The following CDK11A variants were observed in gnomAD, a reference collection of about 807,000 sequenced individuals.
CDK11A encodes the protein cyclin dependent kinase 11A.
A neutral mutation model predicts 83.6 loss-of-function variants in CDK11A; 55 were observed. The ratio of observed to expected loss-of-function variants is 0.66; its 90% CI spans 0.53 to 0.82. The LOEUF is 0.82. Ranked by LOEUF, CDK11A falls within the 40% of genes least tolerant of loss-of-function variation. The pLI, the probability that CDK11A is intolerant of heterozygous loss-of-function variation, is 0.00. For synonymous variants in CDK11A, 247 were observed against 302.7 expected (o/e 0.82, Z 1.91); for missense variants, 564 against 810.1 (o/e 0.70, Z 3.69).
rs1477230216 is a variant in CDK11A at position 1,719,468 on chromosome 1, A to G, written c.228-13T>C. On this transcript the variant is annotated splice_polypyrimidine_tract_variant and intron_variant, in intron 3 of 19. Transcript: ENST00000404249. ...ATCTTCTTCTCCTCTGAAATAAAAC[A>G]CAACAGCACTGCGTCATGCTTGAGA... 6.8e-7 allele frequency: 1 copy of G among 1,474,480 alleles called. No individual in the cohort carries two copies. The highest frequency in any genetic ancestry group is 2.5e-5 in the East Asian group (1 of 39,442). 91.3% of individuals were successfully genotyped at this position (1,474,480 alleles called of 1,614,324 possible).
chr1:1,716,328 C>T lies in CDK11A; in HGVS notation c.488+18G>A. 1.9e-6 allele frequency: 3 copies of T among 1,607,450 alleles called. No individual in the cohort carries two copies. Among genetic ancestry groups the T allele is most frequent in the Non-Finnish European group, 2.6e-6 (3 of 1,175,686 alleles). ...CACGGCCCTTTCATAAAGTCCTCAA[C>T]TGACCCAGCCCACTCACCTTTCTCT... On this transcript the variant is annotated intron_variant, in intron 5 of 19. Coordinates refer to ENST00000404249, the MANE Select transcript of CDK11A (RefSeq NM_024011.4).
chr1:1,704,311 C>T lies in CDK11A; in HGVS notation c.1598G>A (p.Arg533Gln), dbSNP rs374016782. The T allele has an allele frequency of 3.9e-5, 62 of 1,607,246 alleles. No individual in the cohort carries two copies. The highest frequency in any genetic ancestry group is 2.4e-4 in the South Asian group (22 of 90,620). The change falls in exon 15 of 20, where the codon CGG becomes CAG. Residue 533 changes from arginine to glutamine, a missense_variant. Around this residue, in one of 5 missense-constraint regions of CDK11A, gnomAD observed 361 missense variants for 402.7 expected, o/e 0.90. Transcript: ENST00000404249. ...EVKTLMIQLL[R>Q]GVKHLHDNWI... ...GTTGTCGTGCAGGTGTTTCACCCCC[C>T]GCAGCAGCTGGATCATCAGGGTCTT... is the stretch of plus-strand genomic sequence containing the variant.
At chr1:1,717,736 C>T (rs1644725338) in intron 4 of CDK11A, among the ~76,000 whole-genome samples, 1 of 147,332 alleles carries the variant, frequency 6.8e-6, no homozygotes, top group Non-Finnish European at 1.5e-5. Context: ...TCTCTATAGC[C>T]CCTCTGAACG....
Position 1,704,215 on chromosome 1 carries a change from G to A in CDK11A, c.1686+8C>T, listed in dbSNP as rs200450180. 8.3e-5 allele frequency: 133 copies of A among 1,608,392 alleles called. 8 individuals are homozygous for A. In the East Asian group the frequency reaches 2.7e-3, roughly 33 times the overall value. ...ACCCTGGGATGGGCCACTCGGAGGG[G>A]GGCTCACCTTGAGGATGCCGGCGTG... On this transcript the variant is annotated splice_region_variant and intron_variant, in intron 15 of 19. Coordinates refer to ENST00000404249, the MANE Select transcript of CDK11A (RefSeq NM_024011.4).
rs201693816 is a variant in CDK11A at position 1,704,068 on chromosome 1, G to A, written c.1765C>T (p.Arg589Cys). The change falls in exon 16 of 20, where the codon CGC (arginine) becomes TGC (cysteine). Residue 589 changes from arginine to cysteine, a missense_variant. By Grantham distance (180) the Arg-to-Cys change is radical (BLOSUM62 -3). Coordinates refer to ENST00000404249, the MANE Select transcript of CDK11A (RefSeq NM_024011.4). Reference sequence around the variant, plus strand: ...GCACCAAGCAGCAGCTCTGGGGCGCGGTACCACTGGGTCACCACGACCGGG... The same window carrying A: ...GCACCAAGCAGCAGCTCTGGGGCGCAGTACCACTGGGTCACCACGACCGGG... ...YTPVVVTQWY[R>C]APELLLGAKE... is the part of the protein sequence containing the mutation. 4.3e-4 allele frequency: 690 copies of A among 1,595,512 alleles called. 33 individuals carry two copies. Among genetic ancestry groups the A allele is most frequent in the Non-Finnish European group, 5.3e-4 (618 of 1,168,718 alleles).
In CDK11A at chr1:1,716,814, CAAAAAAAAAAAAAAAAAAAAA is replaced by C. The variant is rs1168780288; in HGVS notation, c.356-357_356-337del. Among the ~76,000 whole-genome samples, 30 of 76,682 alleles carry C rather than the reference CAAAAAAAAAAAAAAAAAAAAA, an allele frequency of 3.9e-4. 2 individuals carry two copies. Among genetic ancestry groups the C allele is most frequent in the African/African-American group, 1.7e-3 (28 of 16,914 alleles). 50.3% of individuals were successfully genotyped at this position (76,682 alleles called of 152,430 possible). ...TGGGCGAAAAAGTGAGACTCCATCT[CAAAAAAAAAAAAAAAAAAAAA>C]AAAAAAAAAAAAAAAAATCACATGA... is the stretch of plus-strand genomic sequence containing the variant. On this transcript the variant is annotated intron_variant, in intron 4 of 19. Transcript: ENST00000404249.
intron 10 of CDK11A, among the ~76,000 whole-genome samples, chr1:1,707,811 G>A (rs1358196363): frequency 1.5e-5 from 2 of 134,760 alleles, no homozygotes; most frequent in Non-Finnish European, 3.0e-5. Flanking sequence ...CGGGTGTCAT[G>A]TGGGGGACAA....
chr1:1,704,251 A>C lies in CDK11A; in HGVS notation c.1658T>G (p.Leu553Arg). 1 of 1,608,484 alleles carries C rather than the reference A, an allele frequency of 6.2e-7. No individual in the cohort carries two copies. Residue 553 changes from leucine to arginine, a missense_variant, in exon 15 of 20, where the codon CTG (leucine) becomes CGG (arginine). By Grantham distance (102) the Leu-to-Arg change is moderately radical. Coordinates refer to ENST00000404249, the MANE Select transcript of CDK11A (RefSeq NM_024011.4). ...GAGGATGCCGGCGTGGCTCAGCAGC[A>C]GGTTGGACGTCTTGAGGTCACGGTG... ...ILHRDLKTSN[L>R]LLSHAGILKV...
chr1:1,704,519 A>G, intron 14 of CDK11A, 31 bp downstream of exon 14: 1 of 1,596,980 alleles, frequency 6.3e-7, no homozygotes, highest in East Asian at 2.3e-5. Flanking sequence ...CCCCACTTGT[A>G]CGCAGACAGG....
Position 1,718,974 on chromosome 1 carries a change from T to A in CDK11A, c.355+354A>T, listed in dbSNP as rs1254775308. Among the ~76,000 whole-genome samples the A allele has an allele frequency of 3.3e-5, 5 of 150,982 alleles. 1 individual carries two copies. The highest frequency in any genetic ancestry group is 5.9e-5 in the Non-Finnish European group (4 of 67,688). On this transcript the variant is annotated intron_variant, in intron 4 of 19. Coordinates refer to ENST00000404249, the MANE Select transcript of CDK11A (RefSeq NM_024011.4). Reference sequence around the variant, plus strand: ...TTCTCTCTATAGCCCTTCTGAATGGTCTGTGACACACGCATGCTTTCAGCT... The same window carrying A: ...TTCTCTCTATAGCCCTTCTGAATGGACTGTGACACACGCATGCTTTCAGCT...
chr1:1,723,236 A>T (rs1328537792), intron 1 of CDK11A, among the ~76,000 whole-genome samples: 1 of 61,454 alleles, frequency 1.6e-5, no homozygotes, highest in South Asian at 5.4e-4. Context: ...AGACTTGGTT[A>T]AAAAAAAAAA....
rs560207175 is a variant in CDK11A, at chr1:1,707,313, G to A, written c.1245+96C>T. 106 of 1,270,018 alleles carry A rather than the reference G, an allele frequency of 8.3e-5. 7 individuals carry two copies. The East Asian group carries it at 8.8e-4, about 11-fold the overall frequency. The allele number at this position is 1,270,018 out of a possible 1,614,324, so 78.7% of individuals were successfully genotyped here. ...AGTGGGCCCAGCAGCCCTGTGAGGCGACAGACGCCAACACGGGGGCCAGGC... is the reference window on the plus strand; with the variant it reads ...AGTGGGCCCAGCAGCCCTGTGAGGCAACAGACGCCAACACGGGGGCCAGGC... On this transcript the variant is annotated intron_variant, in intron 11 of 19. Transcript: ENST00000404249.
In CDK11A at chr1:1,716,427, C is replaced by T. The variant is rs776712506; in HGVS notation, c.407G>A (p.Arg136Gln). 26 of 1,608,594 alleles carry T rather than the reference C, an allele frequency of 1.6e-5. 2 individuals carry two copies. The South Asian group carries it at 2.3e-4, about 14-fold the overall frequency. Residue 136 changes from arginine (R) to glutamine (Q), a missense_variant, in exon 5 of 20, where the codon CGA becomes CAA. By Grantham distance (43) the Arg-to-Gln change is conservative. Coordinates refer to ENST00000404249, the MANE Select transcript of CDK11A (RefSeq NM_024011.4). ...CCGGCGAGCTTTATCCTGTTCTTCT[C>T]GATGTCGTTTCCGACGTTCGTGCTC... ...EREHERRKRH[R>Q]EEQDKARREW...
Position 1,704,019 on chromosome 1 carries a change from C to T in CDK11A, c.1794+20G>A, listed in dbSNP as rs779585500. 6.2e-7 allele frequency: 1 copy of T among 1,600,120 alleles called. No individual in the cohort carries two copies. Among genetic ancestry groups the T allele is most frequent in the South Asian group, 1.1e-5 (1 of 89,426 alleles). On this transcript the variant is annotated intron_variant, in intron 16 of 19. Transcript: ENST00000404249. Reference sequence around the variant, plus strand: ...GGCTGCATGGGGGACAGGGGAGGCACTCAGACGCCCAGGACTCACCTTGGC... The same window carrying T: ...GGCTGCATGGGGGACAGGGGAGGCATTCAGACGCCCAGGACTCACCTTGGC...
rs1644555674 is a variant in CDK11A, at chr1:1,713,982, C to T, written c.489-1582G>A. Among the ~76,000 whole-genome samples the T allele has an allele frequency of 4.8e-5, 2 of 41,468 alleles. 1 individual carries two copies. Among genetic ancestry groups the T allele is most frequent in the African/African-American group, 7.8e-5 (2 of 25,702 alleles). 27.2% of individuals were successfully genotyped at this position (41,468 alleles called of 152,430 possible). A position where few individuals can be genotyped will look rare whatever the true frequency, so the allele number is the denominator to read the frequency against. ...TCTAAGCAGCTTGAGTATGCCACTC[C>T]ACTGCCTTCTGGCCTCCATTGTTTC... On this transcript the variant is annotated intron_variant, in intron 5 of 19. Coordinates refer to ENST00000404249, the MANE Select transcript of CDK11A (RefSeq NM_024011.4).
At chr1:1,720,046 G>A (rs1335533934) in intron 3 of CDK11A, among the ~76,000 whole-genome samples, 1 of 150,574 alleles carries the variant, frequency 6.6e-6, no homozygotes, top group African/African-American at 2.4e-5. Flanking sequence ...CAGTTTCAGG[G>A]GCATGTAAAA....
chr1:1,704,560 G>A lies in CDK11A; in HGVS notation c.1554C>T (p.Pro518=). 4 of 1,604,868 alleles carry A rather than the reference G, an allele frequency of 2.5e-6. No homozygotes were observed. Among genetic ancestry groups the A allele is most frequent in the Admixed American group, 1.7e-5 (1 of 59,196 alleles). The change falls in exon 14 of 20, where the codon CCC becomes CCT. Residue 518 remains proline, a synonymous_variant. Transcript: ENST00000404249. ...GGGGCGCGGCTGTACCTGGCAGGAA[G>A]GGCTGTTTCATGGTCTCCATCAGGC... The part of the protein sequence containing the change: ...LKSLMETMKQ[P]FLPGEVKTLM...
chr1:1,722,726 C>G lies in CDK11A; in HGVS notation c.93G>C (p.Glu31Asp). 2 of 1,540,582 alleles carry G rather than the reference C, an allele frequency of 1.3e-6. No homozygotes were observed. The highest frequency in any genetic ancestry group is 1.8e-6 in the Non-Finnish European group (2 of 1,142,338). ...GGCTTACATTTTTTAAGCGTTTTAT[C>G]TCTGCTTTCTCCTCTTGTTCCTTCC... ...KRRKEQEEKA[E>D]IKRLKNSDDR... The change falls in exon 2 of 20, where the codon GAG becomes GAC. Residue 31 changes from glutamate (E) to aspartate (D), a missense_variant. Coordinates refer to ENST00000404249, the MANE Select transcript of CDK11A (RefSeq NM_024011.4).
At chr1:1,717,742 G>A (rs1204431063) in intron 4 of CDK11A, among the ~76,000 whole-genome samples, 3 of 147,948 alleles carry the variant, frequency 2.0e-5, no homozygotes, top group African/African-American at 7.6e-5. Flanking sequence ...TAGCCCCTCT[G>A]AACGGTCTGT....
Sources: allele counts gnomAD v4.1 joint callset (sites outside exome capture counted in the v4.1 genomes callset), GRCh38; gene constraint gnomAD v4.1.1; regional missense constraint gnomAD v4.1.1; transcripts MANE v1.5; gene names NCBI Gene and HGNC (gene_info 2026-07-23, HGNC 2026-07-21).